Variants in TMEM143 observed in about 807,000 individuals in gnomAD.
The protein encoded by TMEM143 is transmembrane protein 143.
Under a neutral mutation model 40.3 loss-of-function variants are expected in TMEM143, and 45 were observed. The observed-to-expected ratio is 1.12, with a 90% confidence interval of 0.88 to 1.43. TMEM143 has a LOEUF of 1.43. Ranked by LOEUF, TMEM143 falls within the 40% of genes most tolerant of loss-of-function variation. The pLI is 0.00. For missense variants in TMEM143, 620 were observed against 613.4 expected, an observed-to-expected ratio of 1.01 and a Z score of -0.11; for synonymous variants, 299 against 282.7, an observed-to-expected ratio of 1.06 and a Z score of -0.58.
intron 4 of TMEM143, 80 bp downstream of exon 4, chr19:48,345,080 C>G: frequency 6.8e-7 from 1 of 1,475,142 alleles, no homozygotes; most frequent in Non-Finnish European, 9.2e-7. Context: ...ACTACAACTC[C>G]CAGCAGCCCA....
intron 3 of TMEM143, among the ~76,000 whole-genome samples, chr19:48,350,919 CAAAAAAAAAAAAAAAA>C (rs71181680): frequency 1.1e-5 from 1 of 88,244 alleles, no homozygotes; most frequent in Non-Finnish European, 2.3e-5. Context: ...GACTACATCT[CAAAAAAAAAAAAAAAA>C]AAAAAAAAAA....
At chr19:48,351,007 C>T (rs901884508) in intron 3 of TMEM143, among the ~76,000 whole-genome samples, 20 of 151,692 alleles carry the variant, frequency 1.3e-4, no homozygotes, top group African/African-American at 4.6e-4. Flanking sequence ...CAAGCATTCC[C>T]TTGTGGCTGT....
intron 3 of TMEM143, among the ~76,000 whole-genome samples, chr19:48,356,073 C>A (rs899451943): frequency 2.0e-5 from 3 of 152,036 alleles, no homozygotes; most frequent in Non-Finnish European, 2.9e-5. Flanking sequence ...TGGACGCTCA[C>A]GCCTGGTCTG....
intron 3 of TMEM143, among the ~76,000 whole-genome samples, chr19:48,357,141 G>C (rs966551866): frequency 4.6e-5 from 7 of 151,446 alleles, no homozygotes; most frequent in Non-Finnish European, 8.8e-5. Flanking sequence ...ATTTGCAGTA[G>C]AGACAGGGTT....
At chr19:48,360,274 T>G in intron 2 of TMEM143, 98 bp from the exon 3 acceptor site, 13 of 1,186,398 alleles carry the variant, frequency 1.1e-5, no homozygotes, top group Non-Finnish European at 1.3e-5. Context: ...ATCAGAGCTC[T>G]GGACTTTGAA....
At chr19:48,363,789 G>A in intron 1 of TMEM143, 109 bp downstream of exon 1, 1 of 1,567,186 alleles carries the variant, frequency 6.4e-7, no homozygotes. Context: ...TTTCTTTGGG[G>A]TCTAGACAGC....
intron 3 of TMEM143, among the ~76,000 whole-genome samples, chr19:48,354,825 T>A (rs757124406): frequency 1.3e-4 from 20 of 152,232 alleles, no homozygotes; most frequent in Middle Eastern, 3.4e-3. Context: ...TGCTGCTTCT[T>A]TCCCTGCCCA....
At position 48,333,126 on chromosome 19, in the gene TMEM143, G is replaced by C. The variant is rs1455678965; in HGVS notation, c.*93C>G. ...CACCTGTCAGTTATTGGAAGTTGGA[G>C]TGAAAAGTATAATAACCGTAATTGA... On this transcript the variant is annotated 3_prime_UTR_variant, in exon 8 of 8. Transcript: ENST00000293261. The surrounding 1 kb of genome is among the most constrained non-coding windows in gnomAD (Gnocchi z 4.1). 5 of 1,019,400 alleles carry C rather than the reference G, an allele frequency of 4.9e-6. No homozygotes were observed. The highest frequency in any genetic ancestry group is 3.3e-5 in the African/African-American group (2 of 61,256). The allele number at this position is 1,019,400 out of a possible 1,614,324, so 63.1% of individuals were successfully genotyped here.
chr19:48,362,242 T>TA (rs1783460756), intron 2 of TMEM143, among the ~76,000 whole-genome samples: 1 of 151,282 alleles, frequency 6.6e-6, no homozygotes, highest in Non-Finnish European at 1.5e-5. Flanking sequence ...AAATAAATGT[T>TA]AAATTAATGA....
chr19:48,349,856 T>A (rs967862641), intron 3 of TMEM143, among the ~76,000 whole-genome samples: 1 of 151,916 alleles, frequency 6.6e-6, no homozygotes, highest in Non-Finnish European at 1.5e-5. Flanking sequence ...AGGGAAATAT[T>A]CTAGATCTGC....
At chr19:48,344,117 C>T (rs749838566) in intron 4 of TMEM143, among the ~76,000 whole-genome samples, 1 of 152,070 alleles carries the variant, frequency 6.6e-6, no homozygotes, top group African/African-American at 2.4e-5. Flanking sequence ...AAACTCCTGA[C>T]CTCAAATGAT....
intron 4 of TMEM143, 61 bp from the exon 5 acceptor site, chr19:48,343,512 A>G (rs1969559229): frequency 9.2e-6 from 14 of 1,514,510 alleles, no homozygotes; most frequent in Non-Finnish European, 1.2e-5. Flanking sequence ...TGAGGGCAGG[A>G]TACCAGAATC....
chr19:48,358,744 T>C (rs1221889848), intron 3 of TMEM143, among the ~76,000 whole-genome samples: 1 of 152,060 alleles, frequency 6.6e-6, no homozygotes, highest in Non-Finnish European at 1.5e-5. Flanking sequence ...GACTCTTTCA[T>C]AGATGTCCCT....
intron 6 of TMEM143, among the ~76,000 whole-genome samples, chr19:48,338,546 TG>T (rs1352587515): frequency 6.6e-6 from 1 of 152,240 alleles, no homozygotes; most frequent in Non-Finnish European, 1.5e-5. Context: ...GGTGTGTTCT[TG>T]GAAAATGTTC....
chr19:48,333,954 G>A lies in TMEM143; in HGVS notation c.1165+54C>T, dbSNP rs369830678. The stretch of plus-strand genomic sequence containing the variant: ...GGGTGGGGACGCATCTCGCTGGGGC[G>A]GGGCCTCGCGGGGGTGTGGCCCCTG... On this transcript the variant is annotated intron_variant, in intron 7 of 7. Coordinates refer to ENST00000293261, the MANE Select transcript of TMEM143 (RefSeq NM_018273.4). The surrounding 1 kb of genome is among the most constrained non-coding windows in gnomAD (Gnocchi z 4.1). 100 of 1,457,912 alleles carry A rather than the reference G, an allele frequency of 6.9e-5. No homozygotes were observed. In the African/African-American group the frequency reaches 1.2e-3, roughly 17 times the overall value. 90.3% of individuals were successfully genotyped at this position (1,457,912 alleles called of 1,614,324 possible).
At chr19:48,363,153 A>T in intron 2 of TMEM143, 138 bp downstream of exon 2, 2 of 1,229,286 alleles carry the variant, frequency 1.6e-6, no homozygotes, top group Non-Finnish European at 2.2e-6. Context: ...CCCGCCCACT[A>T]GGGAAACACG....
intron 6 of TMEM143, among the ~76,000 whole-genome samples, 156 bp downstream of exon 6, chr19:48,342,374 G>A (rs1206707364): frequency 3.4e-5 from 4 of 116,528 alleles, no homozygotes; most frequent in African/African-American, 1.6e-4. Context: ...GGGAAGGGAA[G>A]GGAAAGAAAA....
chr19:48,334,742 G>A (rs1045834099), intron 6 of TMEM143, among the ~76,000 whole-genome samples: 63 of 151,844 alleles, frequency 4.1e-4, no homozygotes, highest in Non-Finnish European at 4.4e-5. Context: ...ACAGGTGTGC[G>A]CCACCAAGCC....
chr19:48,337,228 G>A (rs904788690), intron 6 of TMEM143, among the ~76,000 whole-genome samples: 5 of 151,904 alleles, frequency 3.3e-5, no homozygotes, highest in African/African-American at 9.7e-5. Flanking sequence ...GCCAGGGAGG[G>A]TTCAGGAAGT....
Sources: gnomAD v4.1 joint callset for allele counts (sites outside exome capture counted in the v4.1 genomes callset) on GRCh38, gnomAD v4.1.1 for gene constraint, Gnocchi (gnomAD v3.1) non-coding constraint, MANE v1.5 for transcripts, NCBI Gene and HGNC (gene_info 2026-07-23, HGNC 2026-07-21) for gene names.